Variants in LCMT1 observed in about 807,000 individuals in gnomAD.
LCMT1 encodes [Phosphatase 2A protein]-leucine-carboxy methyltransferase 1.
Under a neutral mutation model 47.7 loss-of-function variants are expected in LCMT1, and 32 were observed. That is an observed-to-expected ratio of 0.67 (90% CI 0.51 to 0.90). The LOEUF (loss-of-function observed/expected upper bound fraction) is 0.90. LCMT1 is among the 40% of genes least tolerant of loss of function. LCMT1 has a pLI of 0.00. For synonymous variants in LCMT1, 152 were observed against 149.7 expected (o/e 1.02, Z -0.11); for missense variants, 375 against 415.2 (o/e 0.90, Z 0.84).
chr16:25,123,835 C>G lies in LCMT1; in HGVS notation c.114-4640C>G, dbSNP rs1960076386. Among the ~76,000 whole-genome samples, 4 of 152,050 alleles carry G rather than the reference C, an allele frequency of 2.6e-5. No individual in the cohort carries two copies. The South Asian group carries it at 8.3e-4, about 32-fold the overall frequency. On this transcript the variant is annotated intron_variant, in intron 1 of 10. Coordinates refer to ENST00000399069, the MANE Select transcript of LCMT1 (RefSeq NM_016309.3). The stretch of plus-strand genomic sequence containing the variant: ...TGTTGGCCAGGCTGGTCTCGAACTC[C>G]TGACCTCAGGTGATCCGCCCGCCTC...
intron 3 of LCMT1, among the ~76,000 whole-genome samples, chr16:25,133,802 G>A (rs1227247470): frequency 6.6e-6 from 1 of 151,540 alleles, no homozygotes; most frequent in Non-Finnish European, 1.5e-5. Context: ...GGGAGGCTGA[G>A]GTGGGCAGAT....
At chr16:25,169,994 C>T (rs1285039546) in intron 8 of LCMT1, among the ~76,000 whole-genome samples, 7 of 151,884 alleles carry the variant, frequency 4.6e-5, no homozygotes, top group South Asian at 2.1e-4. Flanking sequence ...CTGAGGCGGG[C>T]GGATCACCTG....
At chr16:25,149,221 A>G (rs1289624273) in intron 4 of LCMT1, among the ~76,000 whole-genome samples, 1 of 152,218 alleles carries the variant, frequency 6.6e-6, no homozygotes, top group Non-Finnish European at 1.5e-5. Flanking sequence ...AACATTTCTT[A>G]AAACATGAGA....
chr16:25,140,131 A>G, intron 3 of LCMT1, 40 bp from the exon 4 acceptor site: 3 of 1,435,310 alleles, frequency 2.1e-6, no homozygotes, highest in Non-Finnish European at 2.9e-6. Flanking sequence ...CAGCACATGT[A>G]AGAGTAAAGA....
At chr16:25,151,130 G>A (rs954632081) in intron 4 of LCMT1, among the ~76,000 whole-genome samples, 1 of 152,176 alleles carries the variant, frequency 6.6e-6, no homozygotes, top group Non-Finnish European at 1.5e-5. Context: ...TTGTGTAAGA[G>A]TCAATTCTTC....
intron 9 of LCMT1, chr16:25,174,719 T>A: frequency 3.2e-6 from 1 of 310,742 alleles, no homozygotes; most frequent in Non-Finnish European, 5.9e-6. Context: ...CAAATATATG[T>A]TTCTAGTTTG....
intron 4 of LCMT1, chr16:25,141,353 A>G (rs942181785): frequency 7.2e-5 from 11 of 151,918 alleles, no homozygotes; most frequent in Non-Finnish European, 1.6e-4. Context: ...CTTTACTTTT[A>G]TTTTCTTTTG....
chr16:25,161,476 C>G (rs182923344), intron 6 of LCMT1, among the ~76,000 whole-genome samples: 8 of 152,134 alleles, frequency 5.3e-5, no homozygotes, highest in Admixed American at 4.6e-4. Flanking sequence ...CTGCCCTCAG[C>G]CTCTTGAGTA....
Position 25,132,464 on chromosome 16 carries a change from T to A in LCMT1, c.268T>A (p.Cys90Ser), listed in dbSNP as rs182222620. ...LIKAFLRKTE[C>S]HCQIVNLGAG... is the part of the protein sequence containing the mutation. ...AAAGGCATTTCTACGGAAGACAGAA[T>A]GTCATTGTCAAATTGTCAACCTTGG... Residue 90 changes from cysteine (C) to serine (S), a missense_variant, in exon 3 of 11, where the codon TGT (cysteine) becomes AGT (serine). Transcript: ENST00000399069. The A allele has an allele frequency of 1.5e-5, 24 of 1,613,886 alleles. No homozygotes were observed. Among genetic ancestry groups the A allele is most frequent in the Non-Finnish European group, 2.0e-5 (24 of 1,179,812 alleles).
chr16:25,122,076 G>A (rs1960007707), intron 1 of LCMT1, among the ~76,000 whole-genome samples: 1 of 152,134 alleles, frequency 6.6e-6, no homozygotes, highest in Admixed American at 6.5e-5. Flanking sequence ...AGATTCCCAG[G>A]GAGAAGTTTC....
intron 3 of LCMT1, among the ~76,000 whole-genome samples, chr16:25,134,187 T>C (rs1960438007): frequency 6.6e-6 from 1 of 152,142 alleles, no homozygotes; most frequent in Non-Finnish European, 1.5e-5. Context: ...GACCCACTTA[T>C]CTGTTTTGTC....
intron 5 of LCMT1, among the ~76,000 whole-genome samples, chr16:25,151,954 A>G (rs566555182): frequency 6.6e-6 from 1 of 152,292 alleles, no homozygotes; most frequent in South Asian, 2.1e-4. Flanking sequence ...TATAGGAGTC[A>G]TCATGAATAT....
In LCMT1 at chr16:25,166,261, C is replaced by T. The variant is rs1280925540; in HGVS notation, c.690+1543C>T. 4.9e-5 allele frequency among the ~76,000 whole-genome samples: 7 copies of T among 141,446 alleles called. No homozygotes were observed. The East Asian group carries it at 1.3e-3, about 25-fold the overall frequency. The allele number at this position is 141,446 out of a possible 152,430, so 92.8% of individuals were successfully genotyped here. A position where few individuals can be genotyped will look rare whatever the true frequency, so the allele number is the denominator to read the frequency against. ...CTCCAGCCTGAGTGACCGAGCGAGA[C>T]GCCATCTCAAAAAAAAAAAAAAAAG... On this transcript the variant is annotated intron_variant, in intron 7 of 10. Transcript: ENST00000399069.
chr16:25,154,829 T>C (rs1409198568), intron 5 of LCMT1, among the ~76,000 whole-genome samples: 1 of 152,178 alleles, frequency 6.6e-6, no homozygotes, highest in Non-Finnish European at 1.5e-5. Flanking sequence ...CTTTTTTTTA[T>C]TGAACTTTTT....
chr16:25,150,129 G>GTTAA (rs1961028303), intron 4 of LCMT1, among the ~76,000 whole-genome samples: 1 of 152,006 alleles, frequency 6.6e-6, no homozygotes, highest in Non-Finnish European at 1.5e-5. Context: ...CTAGTACCAT[G>GTTAA]TTAAGTGCTT....
At chr16:25,143,028 C>G (rs999238613) in intron 4 of LCMT1, 1 of 152,152 alleles carries the variant, frequency 6.6e-6, no homozygotes, top group African/African-American at 2.4e-5. Flanking sequence ...GGGAGCCTGC[C>G]CTTCAAGCCT....
At chr16:25,136,090 CAAAA>C (rs36051960) in intron 3 of LCMT1, among the ~76,000 whole-genome samples, 2 of 69,170 alleles carry the variant, frequency 2.9e-5, no homozygotes, top group Non-Finnish European at 5.6e-5. Context: ...GATGCTGTCT[CAAAA>C]AAAAAAAAAA....
At chr16:25,140,077 A>ACT (rs10681142) in intron 3 of LCMT1, 94 bp from the exon 4 acceptor site, 242,734 of 858,268 alleles carry the variant, frequency 0.28, 36,541 homozygotes, top group East Asian at 0.46. Context: ...ATCCTTAAAC[A>ACT]CTATTGCTCT....
At chr16:25,130,355 A>G (rs2141647696) in intron 2 of LCMT1, among the ~76,000 whole-genome samples, 1 of 151,540 alleles carries the variant, frequency 6.6e-6, no homozygotes, top group South Asian at 2.1e-4. Context: ...AAAAAAAAAA[A>G]AAATTCTTCA....
Sources: gnomAD v4.1 joint callset for allele counts (sites outside exome capture counted in the v4.1 genomes callset) on GRCh38, gnomAD v4.1.1 for gene constraint, MANE v1.5 for transcripts, NCBI Gene and HGNC (gene_info 2026-07-23, HGNC 2026-07-21) for gene names.